The following GGT1 variants were observed in gnomAD, a reference collection of about 807,000 sequenced individuals.
GGT1 encodes the protein gamma-glutamyltransferase 1.
A neutral mutation model predicts 56.0 loss-of-function variants in GGT1; 21 were observed. The ratio of observed to expected loss-of-function variants is 0.38; its 90% CI spans 0.27 to 0.54. The LOEUF (loss-of-function observed/expected upper bound fraction) is 0.54. GGT1 is among the 20% of genes least tolerant of loss of function. The probability of loss-of-function intolerance (pLI) is 0.82; values close to 1 mark genes in which losing one functional copy is unlikely to be tolerated. For missense variants in GGT1, 466 were observed against 787.0 expected (o/e 0.59, Z 4.88); for synonymous variants, 238 against 342.6 (o/e 0.69, Z 3.37).
chr22:24,593,656 G>A (rs577026943), upstream of GGT1, among the ~76,000 whole-genome samples: 28 of 151,950 alleles, frequency 1.8e-4, no homozygotes, highest in South Asian at 2.9e-3. Flanking sequence ...GCGTGGTGGC[G>A]GGCGCCTGTA....
intron 2 of GGT1, 44 bp from the exon 3 acceptor site, chr22:24,609,921 C>T (rs1041299523): frequency 2.2e-6 from 1 of 445,342 alleles, no homozygotes; most frequent in Admixed American, 2.4e-5. Flanking sequence ...TTCACCAAGC[C>T]CTGCCCACAG....
chr22:24,592,773 C>T (rs2045610266), upstream of GGT1: 1 of 1,283,234 alleles, frequency 7.8e-7, no homozygotes, highest in Non-Finnish European at 9.9e-7. Flanking sequence ...GGATACAGGC[C>T]CACAACCCAT....
chr22:24,626,265 C>T lies in GGT1; in HGVS notation c.1021-1167C>T, dbSNP rs1017646901. ...CCCAAAGTGCTGGGATTACAGGCCT[C>T]GGCCTCCCAAAGTGCTGGGATTACA... On this transcript the variant is annotated intron_variant, in intron 11 of 15. Transcript: ENST00000400382. Among the ~76,000 whole-genome samples the T allele has an allele frequency of 2.0e-4, 30 of 147,952 alleles. 1 individual carries two copies. The highest frequency in any genetic ancestry group is 8.1e-4 in the Admixed American group (12 of 14,772).
chr22:24,600,472 C>A (rs535287239), upstream of GGT1, among the ~76,000 whole-genome samples: 50 of 152,370 alleles, frequency 3.3e-4, no homozygotes, highest in African/African-American at 1.1e-3. Context: ...AGCCCTGCTG[C>A]TGGGTGCTCC....
At chr22:24,594,346 T>C (rs972300223), upstream of GGT1, among the ~76,000 whole-genome samples, 7 of 151,732 alleles carry the variant, frequency 4.6e-5, no homozygotes, top group Admixed American at 1.3e-4. Context: ...GGCTGAGCAC[T>C]GTCCGAGGGC....
At chr22:24,593,258 G>T, upstream of GGT1, 1 of 329,868 alleles carries the variant, frequency 3.0e-6, no homozygotes, top group Non-Finnish European at 4.4e-6. Flanking sequence ...CAGTCTTGGC[G>T]CTAGAACCCG....
the GGT1 span, chr22:24,589,528 A>G: frequency 4.4e-6 from 2 of 456,416 alleles, no homozygotes; most frequent in Non-Finnish European, 6.7e-6. Flanking sequence ...ACTTCTGCCC[A>G]GCTATAGTCT....
At chr22:24,617,101 C>CG (rs1252128610) in intron 7 of GGT1, among the ~76,000 whole-genome samples, 5 of 152,098 alleles carry the variant, frequency 3.3e-5, no homozygotes, top group Admixed American at 3.3e-4. Context: ...AGGTGTGTTA[C>CG]GGGCTGTAGA....
At chr22:24,588,339 G>A in the GGT1 span, 7 of 1,602,088 alleles carry the variant, frequency 4.4e-6, no homozygotes, top group Non-Finnish European at 4.3e-6. Context: ...CCTGTGGGAG[G>A]GCAGTGTCAC....
rs78452000 is a variant in GGT1 at position 24,596,914 on chromosome 22, C to CA, written c.-324+2050dup. 5.5e-3 allele frequency among the ~76,000 whole-genome samples: 344 copies of CA among 62,756 alleles called. 3 individuals are homozygous for CA. Among genetic ancestry groups the CA allele is most frequent in the East Asian group, 0.026 (47 of 1,790 alleles). The allele number at this position is 62,756 out of a possible 152,430, so 41.2% of individuals were successfully genotyped here. On this transcript the variant is annotated intron_variant, in intron 1 of 6. Coordinates refer to the GGT1 transcript ENST00000411974. ...CTGGTGACAGAGCGAGACTCTGTCT[C>CA]AAAAAAAAAAAAAAAAAAAAAAGAA... is the stretch of plus-strand genomic sequence containing the variant.
chr22:24,586,058 AGGGGCT>A, the GGT1 span: 1 of 1,611,992 alleles, frequency 6.2e-7, no homozygotes, highest in Non-Finnish European at 8.5e-7. Flanking sequence ...GCCGACCAGC[AGGGGCT>A]GGGGCAGGGA....
chr22:24,604,362 C>T (rs1215192777), intron 1 of GGT1, among the ~76,000 whole-genome samples: 1 of 152,176 alleles, frequency 6.6e-6, no homozygotes, highest in Non-Finnish European at 1.5e-5. Context: ...ACAAAGCCAT[C>T]AAGCTGGGTT....
chr22:24,615,848 G>T (rs2330847), intron 7 of GGT1: 6 of 152,198 alleles, frequency 3.9e-5, no homozygotes, highest in African/African-American at 1.5e-4. Flanking sequence ...AACAACTCAC[G>T]CCTCTAATCC....
chr22:24,586,068 G>A, the GGT1 span: 13 of 1,611,956 alleles, frequency 8.1e-6, no homozygotes, highest in African/African-American at 1.3e-5. Context: ...AGGGGCTGGG[G>A]CAGGGAAGCC....
chr22:24,588,527 T>C, the GGT1 span: 1 of 765,212 alleles, frequency 1.3e-6, no homozygotes, highest in East Asian at 2.9e-5. Flanking sequence ...GAGGCTGCCC[T>C]CTGGGAGCTG....
In GGT1 at chr22:24,605,338, T is replaced by C. The variant is rs191247855; in HGVS notation, c.-429+1811T>C. Among the ~76,000 whole-genome samples the C allele has an allele frequency of 2.3e-3, 120 of 53,332 alleles. 10 individuals carry two copies. The highest frequency in any genetic ancestry group is 5.2e-3 in the African/African-American group (42 of 8,098). The allele number at this position is 53,332 out of a possible 152,430, so 35.0% of individuals were successfully genotyped here. ...AATATGTATTATATATTATATAATA[T>C]GTATTATATATTATATAATATGTAT... On this transcript the variant is annotated intron_variant, in intron 1 of 15. Coordinates refer to ENST00000400382, the MANE Select transcript of GGT1 (RefSeq NM_001288833.2).
At chr22:24,591,344 G>T (rs1353125411), upstream of GGT1, among the ~76,000 whole-genome samples, 1 of 152,240 alleles carries the variant, frequency 6.6e-6, no homozygotes, top group Non-Finnish European at 1.5e-5. Flanking sequence ...CTCCCAAAGT[G>T]CTGGGATTAT....
chr22:24,586,496 C>A, the GGT1 span: 1 of 1,391,530 alleles, frequency 7.2e-7, no homozygotes, highest in Middle Eastern at 2.0e-4. Context: ...CGGGAACAGC[C>A]CAGGCCTACA....
chr22:24,614,371 A>G (rs2046909367), intron 5 of GGT1, among the ~76,000 whole-genome samples: 1 of 148,454 alleles, frequency 6.7e-6, no homozygotes, highest in Non-Finnish European at 1.5e-5. Flanking sequence ...AAAAAAAAAA[A>G]AAAAAAGAGG....
Sources: gnomAD v4.1 joint callset for allele counts (sites outside exome capture counted in the v4.1 genomes callset) on GRCh38, gnomAD v4.1.1 for gene constraint, MANE v1.5 for transcripts, NCBI Gene and HGNC (gene_info 2026-07-23, HGNC 2026-07-21) for gene names.